Variants in TPGS2 observed in about 807,000 individuals in gnomAD.
TPGS2 encodes the protein tubulin polyglutamylase complex subunit 2.
In TPGS2, 26 loss-of-function variants were observed where a neutral mutation model predicts 31.1. That is an observed-to-expected ratio of 0.84 (90% confidence interval 0.61 to 1.16). The LOEUF is 1.16. Ranked by LOEUF, TPGS2 falls within the 50% of genes most tolerant of loss-of-function variation. The probability of loss-of-function intolerance (pLI) is 0.00; values close to 1 mark genes in which losing one functional copy is unlikely to be tolerated. For synonymous variants in TPGS2, 130 were observed against 136.6 expected (o/e 0.95, Z 0.34); for missense variants, 351 against 363.8 (o/e 0.96, Z 0.29).
At chr18:36,781,836 T>C (rs1196417378), downstream of TPGS2, 1 of 985,310 alleles carries the variant, frequency 1.0e-6, no homozygotes, top group Non-Finnish European at 1.2e-6. Flanking sequence ...ATTTGTCAAA[T>C]AGTACATGAT....
chr18:36,810,195 G>A (rs546973663), intron 2 of TPGS2, among the ~76,000 whole-genome samples: 10 of 152,216 alleles, frequency 6.6e-5, no homozygotes, highest in Non-Finnish European at 1.5e-4. Context: ...TGGGCCTGCA[G>A]TTCTCCAGCC....
At chr18:36,825,020 A>C (rs1471587448) in intron 1 of TPGS2, among the ~76,000 whole-genome samples, 1 of 152,140 alleles carries the variant, frequency 6.6e-6, no homozygotes, top group Non-Finnish European at 1.5e-5. Flanking sequence ...TTTTGGAGTT[A>C]ATTTTTGTAT....
At chr18:36,791,921 T>C (rs939829262), downstream of TPGS2, among the ~76,000 whole-genome samples, 1 of 151,508 alleles carries the variant, frequency 6.6e-6, no homozygotes, top group Non-Finnish European at 1.5e-5. Context: ...TCCCAGGTAC[T>C]TGAGAAACAG....
chr18:36,811,919 T>C (rs1405339726), intron 2 of TPGS2, among the ~76,000 whole-genome samples: 2 of 152,176 alleles, frequency 1.3e-5, no homozygotes, highest in Admixed American at 6.5e-5. Context: ...GGCAGAACCT[T>C]CATTTTGTCT....
chr18:36,786,131 G>C (rs1351841904), intron 6 of TPGS2, among the ~76,000 whole-genome samples: 1 of 152,214 alleles, frequency 6.6e-6, no homozygotes, highest in Non-Finnish European at 1.5e-5. Flanking sequence ...CTGTGAAACT[G>C]ACCAGAACCA....
chr18:36,800,247 T>C lies in TPGS2; in HGVS notation c.447A>G (p.Ser149=). The C allele has an allele frequency of 6.2e-7, 1 of 1,614,202 alleles. No homozygotes were observed. Among genetic ancestry groups the C allele is most frequent in the Non-Finnish European group, 8.5e-7 (1 of 1,180,010 alleles). Residue 149 remains serine, a synonymous_variant, in exon 5 of 7, where the codon TCA becomes TCG. Coordinates refer to ENST00000334295, the MANE Select transcript of TPGS2 (RefSeq NM_015476.4). ...GGCAAACTTTCCCACTGCCATTGCA[T>C]GAATCCAGCTCAAATATCACACTGC... The part of the protein sequence containing the change: ...DSRSVIFELD[S]CNGSGKVCLV...
At chr18:36,805,556 G>T in intron 3 of TPGS2, 54 bp from the exon 4 acceptor site, 1 of 1,606,080 alleles carries the variant, frequency 6.2e-7, no homozygotes, top group South Asian at 1.1e-5. Flanking sequence ...TAGTTACAAT[G>T]GTTATCATGA....
At position 36,795,146 on chromosome 18, in the gene TPGS2, T is replaced by C. The variant is rs1198250182; in HGVS notation, c.*1659A>G. ...TGGAAAGTGGTAGGTGGAGGAGATATCGAAGGCGCTTTCTCATGAATATCT... is the reference window on the plus strand; with the variant it reads ...TGGAAAGTGGTAGGTGGAGGAGATACCGAAGGCGCTTTCTCATGAATATCT... On this transcript the variant is annotated 3_prime_UTR_variant, in exon 7 of 7. Transcript: ENST00000334295. The C allele has an allele frequency of 1.0e-6, 1 of 985,398 alleles. No individual in the cohort carries two copies. Among genetic ancestry groups the C allele is most frequent in the Non-Finnish European group, 1.2e-6 (1 of 829,934 alleles). The allele number at this position is 985,398 out of a possible 1,614,324, so 61.0% of individuals were successfully genotyped here.
intron 4 of TPGS2, among the ~76,000 whole-genome samples, chr18:36,802,641 T>G (rs2044880969): frequency 3.9e-5 from 6 of 152,164 alleles, no homozygotes; most frequent in Admixed American, 3.3e-4. Flanking sequence ...CTTTTGCTAC[T>G]TTTTTGAGAT....
intron 2 of TPGS2, among the ~76,000 whole-genome samples, chr18:36,809,060 T>G (rs1250619757): frequency 6.6e-6 from 1 of 152,212 alleles, no homozygotes; most frequent in Non-Finnish European, 1.5e-5. Context: ...ATGTCAGGAC[T>G]GCATTAGGTC....
chr18:36,796,388 T>C lies in TPGS2; in HGVS notation c.*417A>G. 1 of 987,922 alleles carries C rather than the reference T, an allele frequency of 1.0e-6. No homozygotes were observed. The highest frequency in any genetic ancestry group is 1.2e-6 in the Non-Finnish European group (1 of 830,916). 61.2% of individuals were successfully genotyped at this position (987,922 alleles called of 1,614,324 possible). ...TGCAATTGAAGAAATGAATTTTTCA[T>C]ACAATTTACTTTAAATTTAAATAGT... On this transcript the variant is annotated 3_prime_UTR_variant, in exon 7 of 7. Coordinates refer to ENST00000334295, the MANE Select transcript of TPGS2 (RefSeq NM_015476.4).
At chr18:36,798,665 T>C in intron 5 of TPGS2, 56 bp from the exon 6 acceptor site, 4 of 1,577,404 alleles carry the variant, frequency 2.5e-6, no homozygotes, top group Non-Finnish European at 3.4e-6. Flanking sequence ...AGTTTTTTCT[T>C]TTTAACTGTA....
intron 1 of TPGS2, among the ~76,000 whole-genome samples, chr18:36,822,988 GTTTC>G (rs1435990242): frequency 6.6e-6 from 1 of 152,200 alleles, no homozygotes; most frequent in Non-Finnish European, 1.5e-5. Flanking sequence ...TTACACTTGT[GTTTC>G]TTTTTGACGT....
intron 6 of TPGS2, chr18:36,786,899 T>G: frequency 8.1e-7 from 1 of 1,234,372 alleles, no homozygotes; most frequent in Non-Finnish European, 1.0e-6. Flanking sequence ...GTTGTTCCCA[T>G]GCTGTTGGAT....
downstream of TPGS2, among the ~76,000 whole-genome samples, chr18:36,793,796 G>A (rs751858340): frequency 6.6e-6 from 1 of 151,522 alleles, no homozygotes; most frequent in Non-Finnish European, 1.5e-5. Context: ...GGAATACAGT[G>A]GTATGATCTC....
downstream of TPGS2, among the ~76,000 whole-genome samples, chr18:36,791,142 G>A (rs572154139): frequency 9.0e-4 from 137 of 152,262 alleles, 1 homozygote; most frequent in African/African-American, 2.9e-3. Flanking sequence ...CATGTAAGAT[G>A]TGCCTGCTTC....
chr18:36,814,540 G>A (rs1235351185), intron 2 of TPGS2, among the ~76,000 whole-genome samples: 2 of 152,158 alleles, frequency 1.3e-5, no homozygotes, highest in Admixed American at 6.5e-5. Context: ...ACACCTGGAC[G>A]AGTCCTTCAA....
chr18:36,808,856 G>A (rs1463701056), intron 2 of TPGS2, among the ~76,000 whole-genome samples: 1 of 152,188 alleles, frequency 6.6e-6, no homozygotes. Flanking sequence ...TCACATCTGT[G>A]TGTGTGTATG....
chr18:36,800,746 A>G (rs897051515), intron 4 of TPGS2, among the ~76,000 whole-genome samples: 2 of 151,286 alleles, frequency 1.3e-5, no homozygotes, highest in African/African-American at 2.4e-5. Context: ...CTGGAGTGCA[A>G]TGGCATAATC....
Sources: allele counts gnomAD v4.1 joint callset (sites outside exome capture counted in the v4.1 genomes callset), GRCh38; gene constraint gnomAD v4.1.1; transcripts MANE v1.5; gene names NCBI Gene and HGNC (gene_info 2026-07-23, HGNC 2026-07-21).